The following LRP6 variants were observed in gnomAD, a reference collection of about 807,000 sequenced individuals.
LRP6 encodes the protein LDL receptor related protein 6.
A neutral mutation model predicts 184.1 loss-of-function variants in LRP6; 43 were observed. The ratio of observed to expected loss-of-function variants is 0.23; its 90% CI spans 0.18 to 0.30. LRP6 has a LOEUF of 0.30. LRP6 is among the 10% of genes least tolerant of loss of function. The probability of loss-of-function intolerance (pLI) is 1.00; values close to 1 mark genes in which losing one functional copy is unlikely to be tolerated. For missense variants in LRP6, 1,571 were observed against 2,005.3 expected (o/e 0.78, Z 4.14); for synonymous variants, 719 against 684.9 (o/e 1.05, Z -0.78).
chr12:12,235,655 G>T (rs1042445617), intron 2 of LRP6, among the ~76,000 whole-genome samples: 1 of 151,540 alleles, frequency 6.6e-6, no homozygotes, highest in Non-Finnish European at 1.5e-5. Context: ...ACTTGAACCC[G>T]GGAGGTGGAG....
At chr12:12,138,637 GAAAA>G in intron 15 of LRP6, 103 bp from the exon 16 acceptor site, 2 of 1,117,784 alleles carry the variant, frequency 1.8e-6, no homozygotes, top group Non-Finnish European at 2.5e-6. Context: ...GTAGAGAAAA[GAAAA>G]AAAAAACAAG....
chr12:12,231,813 A>T (rs1864797277), intron 2 of LRP6, among the ~76,000 whole-genome samples: 1 of 151,846 alleles, frequency 6.6e-6, no homozygotes, highest in Non-Finnish European at 1.5e-5. Flanking sequence ...CCAGGAATTC[A>T]AGTCCATCCT....
intron 17 of LRP6, among the ~76,000 whole-genome samples, chr12:12,132,755 A>AAT (rs1949776325): frequency 6.6e-6 from 1 of 152,230 alleles, no homozygotes; most frequent in Non-Finnish European, 1.5e-5. Context: ...ATGCCTCTTT[A>AAT]ATAGTCTGAT....
intron 1 of LRP6, among the ~76,000 whole-genome samples, chr12:12,251,853 C>A (rs1384292378): frequency 6.6e-6 from 1 of 152,136 alleles, no homozygotes; most frequent in African/African-American, 2.4e-5. Context: ...CACTGCATTA[C>A]CTCCCATGCT....
intron 7 of LRP6, among the ~76,000 whole-genome samples, chr12:12,173,285 T>G (rs932574011): frequency 1.3e-5 from 2 of 152,184 alleles, no homozygotes; most frequent in African/African-American, 4.8e-5. Context: ...AAGATTAACA[T>G]GTCAACAAGG....
At chr12:12,121,702 G>GTT (rs1329370498) in intron 22 of LRP6, among the ~76,000 whole-genome samples, 1 of 152,120 alleles carries the variant, frequency 6.6e-6, no homozygotes, top group African/African-American at 2.4e-5. Context: ...ACATCTTCAA[G>GTT]TTAAACTGTA....
chr12:12,148,776 A>G (rs559611297), intron 14 of LRP6, among the ~76,000 whole-genome samples, 166 bp downstream of exon 14: 9 of 152,314 alleles, frequency 5.9e-5, no homozygotes, highest in Non-Finnish European at 8.8e-5. Flanking sequence ...GAAATCAGAG[A>G]AAGTGTAAGA....
Position 12,266,701 on chromosome 12 carries a change from C to T in LRP6, c.35G>A (p.Ser12Asn). Reference protein sequence around the residue: ...GAVLRSLLACSFCVLLRAAPL... With the variant: ...GAVLRSLLACNFCVLLRAAPL... ...CCCACCTCTCAGGAGCACACAGAAG[C>T]TGCAGGCCAGGAGGCTCCTCAGGAC... The change falls in exon 1 of 23, where the codon AGC becomes AAC. Residue 12 changes from serine (S) to asparagine (N), a missense_variant. By Grantham distance (46) the Ser-to-Asn change is conservative. Around this residue, in one of 4 missense-constraint regions of LRP6, gnomAD observed 640 missense variants for 851.9 expected, o/e 0.75. Transcript: ENST00000261349. 1.9e-6 allele frequency: 3 copies of T among 1,613,848 alleles called. No individual in the cohort carries two copies. The highest frequency in any genetic ancestry group is 1.7e-6 in the Non-Finnish European group (2 of 1,179,934).
At chr12:12,202,070 C>A (rs191726399) in intron 3 of LRP6, among the ~76,000 whole-genome samples, 89 of 152,286 alleles carry the variant, frequency 5.8e-4, no homozygotes, top group African/African-American at 2.0e-3. Context: ...ATCATTAAAA[C>A]ACAAGAATCC....
In LRP6 at chr12:12,119,168, T is replaced by C. The variant is rs946336303; in HGVS notation, c.*1958A>G. On this transcript the variant is annotated 3_prime_UTR_variant, in exon 23 of 23. Transcript: ENST00000261349. The stretch of plus-strand genomic sequence containing the variant: ...TATATGCAAAATCAAGTGCACCTGA[T>C]TCTTACAGTCTCCAACAATCAGCAT... 1 of 152,196 alleles carries C rather than the reference T, an allele frequency of 6.6e-6. No individual in the cohort carries two copies. Among genetic ancestry groups the C allele is most frequent in the Non-Finnish European group, 1.5e-5 (1 of 68,034 alleles). 9.4% of individuals were successfully genotyped at this position (152,196 alleles called of 1,614,324 possible). A position where few individuals can be genotyped will look rare whatever the true frequency, so the allele number is the denominator to read the frequency against.
chr12:12,161,543 T>C (rs1272644468), intron 10 of LRP6, among the ~76,000 whole-genome samples: 1 of 152,182 alleles, frequency 6.6e-6, no homozygotes, highest in African/African-American at 2.4e-5. Flanking sequence ...GTTGCTGGGA[T>C]TACAAGCGTG....
chr12:12,157,607 C>G (rs1862623840), intron 12 of LRP6, among the ~76,000 whole-genome samples: 1 of 152,122 alleles, frequency 6.6e-6, no homozygotes, highest in Non-Finnish European at 1.5e-5. Flanking sequence ...TGTCCTTTCT[C>G]TTTCACAACT....
chr12:12,159,632 T>A (rs1035422756), intron 11 of LRP6, 148 bp downstream of exon 11: 2 of 736,856 alleles, frequency 2.7e-6, no homozygotes, highest in African/African-American at 3.5e-5. Flanking sequence ...TCACTATTAA[T>A]AACAAACAGG....
intron 3 of LRP6, among the ~76,000 whole-genome samples, chr12:12,191,849 A>G: frequency 6.6e-6 from 1 of 150,884 alleles, no homozygotes; most frequent in East Asian, 1.9e-4. Flanking sequence ...AAAAGGAAGA[A>G]ATATTACATA....
At chr12:12,257,725 T>C (rs1357147865) in intron 1 of LRP6, among the ~76,000 whole-genome samples, 1 of 125,454 alleles carries the variant, frequency 8.0e-6, no homozygotes, top group Non-Finnish European at 1.6e-5. Flanking sequence ...GGAGGATCAC[T>C]TGAGCCCAGG....
chr12:12,127,509 A>G lies in LRP6; in HGVS notation c.4082-588T>C, dbSNP rs577954528. Among the ~76,000 whole-genome samples, 89 of 152,308 alleles carry G rather than the reference A, an allele frequency of 5.8e-4. 1 individual carries two copies. Among genetic ancestry groups the G allele is most frequent in the African/African-American group, 2.1e-3 (89 of 41,578 alleles). ...CAAATCCCCTATGCTGCTGGCCTTC[A>G]GGCTGTCTAGTTGCCTGAGACCAAG... On this transcript the variant is annotated intron_variant, in intron 19 of 22. Transcript: ENST00000261349.
In LRP6 at chr12:12,132,013, C is replaced by T. The variant is rs1418161683; in HGVS notation, c.3778G>A (p.Glu1260Lys). The change falls in exon 18 of 23, where the codon GAA becomes AAA. Residue 1260 changes from glutamate (E) to lysine (K), a missense_variant. Glu to Lys is a moderately conservative substitution (Grantham distance 56). Coordinates refer to ENST00000261349, the MANE Select transcript of LRP6 (RefSeq NM_002336.3). Reference protein sequence around the residue: ...SPQQFTCFTGEIDCIPVAWRC... With the variant: ...SPQQFTCFTGKIDCIPVAWRC... ...CAAGCCACAGGGATACAGTCAATTT[C>T]CCCCGTGAAACAAGTAAACTGCTGA... The T allele has an allele frequency of 6.2e-7, 1 of 1,614,038 alleles. No homozygotes were observed.
intron 12 of LRP6, among the ~76,000 whole-genome samples, chr12:12,156,385 A>G (rs1862580195): frequency 6.6e-6 from 1 of 152,222 alleles, no homozygotes; most frequent in Non-Finnish European, 1.5e-5. Flanking sequence ...AGAAAGCAAG[A>G]GAGACAAGAG....
chr12:12,224,413 T>C (rs567502852), intron 2 of LRP6, among the ~76,000 whole-genome samples: 2 of 152,106 alleles, frequency 1.3e-5, no homozygotes, highest in East Asian at 1.9e-4. Flanking sequence ...TCCATGCACA[T>C]ACCACCTTTT....
Sources: gnomAD v4.1 joint callset for allele counts (sites outside exome capture counted in the v4.1 genomes callset) on GRCh38, gnomAD v4.1.1 for gene constraint, gnomAD v4.1.1 regional missense constraint, MANE v1.5 for transcripts, NCBI Gene and HGNC (gene_info 2026-07-23, HGNC 2026-07-21) for gene names.